The following PDE7B variants were observed in gnomAD, a reference collection of about 807,000 sequenced individuals.
PDE7B encodes the protein 3',5'-cyclic-AMP phosphodiesterase 7B.
A neutral mutation model predicts 56.2 loss-of-function variants in PDE7B; 29 were observed. The ratio of observed to expected loss-of-function variants is 0.52; its 90% CI spans 0.38 to 0.70. PDE7B has a LOEUF of 0.70. Ranked by LOEUF, PDE7B falls within the 30% of genes least tolerant of loss-of-function variation. PDE7B has a pLI of 0.00. For synonymous variants in PDE7B, 197 were observed against 196.9 expected (o/e 1.00, Z 0.00); for missense variants, 490 against 565.0 (o/e 0.87, Z 1.35).
At chr6:136,181,857 G>C (rs536188911) in intron 11 of PDE7B, among the ~76,000 whole-genome samples, 24 of 152,274 alleles carry the variant, frequency 1.6e-4, no homozygotes, top group Non-Finnish European at 2.5e-4. Context: ...GGATTTTGCT[G>C]TGAAAAGACA....
chr6:136,136,021 G>C (rs565682919), intron 3 of PDE7B, among the ~76,000 whole-genome samples: 43 of 152,038 alleles, frequency 2.8e-4, no homozygotes, highest in African/African-American at 9.2e-4. Context: ...TGCATCTTAG[G>C]CTAGGTTACT....
At chr6:136,069,277 G>A (rs895666662) in intron 2 of PDE7B, among the ~76,000 whole-genome samples, 11 of 152,118 alleles carry the variant, frequency 7.2e-5, no homozygotes, top group African/African-American at 1.9e-4. Flanking sequence ...GTAAGCAAGC[G>A]GGGACAAATC....
intron 1 of PDE7B, among the ~76,000 whole-genome samples, chr6:135,877,179 T>C (rs534877800): frequency 1.3e-5 from 2 of 152,274 alleles, no homozygotes; most frequent in East Asian, 3.9e-4. Flanking sequence ...TGTGGATTCC[T>C]TGACATTGTT....
chr6:135,906,253 C>G (rs141408417), intron 1 of PDE7B, among the ~76,000 whole-genome samples: 1 of 152,032 alleles, frequency 6.6e-6, no homozygotes, highest in East Asian at 1.9e-4. Context: ...AAATGGTTAA[C>G]GAGAAAGCCA....
intron 2 of PDE7B, among the ~76,000 whole-genome samples, chr6:136,070,638 A>G (rs114702076): frequency 0.013 from 2,039 of 152,284 alleles, 38 homozygotes; most frequent in African/African-American, 0.045. Flanking sequence ...TTAATTTAAA[A>G]AACATTGAAA....
intron 10 of PDE7B, 125 bp downstream of exon 10, chr6:136,179,266 A>C (rs1051650877): frequency 8.8e-6 from 7 of 793,602 alleles, no homozygotes; most frequent in Non-Finnish European, 1.5e-5. Context: ...ACTTGAGTCC[A>C]TGAGTTCAAG....
chr6:136,187,248 G>A (rs900321754), intron 12 of PDE7B, 132 bp downstream of exon 12: 1 of 607,746 alleles, frequency 1.6e-6, no homozygotes. Flanking sequence ...TTGAATGGCT[G>A]AGTCCAAATT....
intron 11 of PDE7B, among the ~76,000 whole-genome samples, chr6:136,183,595 C>CA (rs59123124): frequency 0.017 from 1,114 of 65,462 alleles, 17 homozygotes; most frequent in East Asian, 0.038. Flanking sequence ...GACTCTGTCT[C>CA]AAAAAAAAAA....
intron 2 of PDE7B, among the ~76,000 whole-genome samples, chr6:136,040,899 C>T (rs1474486976): frequency 1.3e-5 from 2 of 152,172 alleles, no homozygotes; most frequent in African/African-American, 2.4e-5. Flanking sequence ...TTCCTGATCT[C>T]CAGCGGCCTC....
chr6:135,990,889 C>T (rs1398661934), intron 2 of PDE7B, among the ~76,000 whole-genome samples: 1 of 152,226 alleles, frequency 6.6e-6, no homozygotes, highest in Admixed American at 6.5e-5. Flanking sequence ...ATGGGCAGAG[C>T]AGCCCTGAAG....
intron 3 of PDE7B, among the ~76,000 whole-genome samples, chr6:136,132,784 C>T (rs141119372): frequency 0.018 from 2,728 of 152,224 alleles, 39 homozygotes; most frequent in Non-Finnish European, 0.022. Flanking sequence ...TAAAACAATT[C>T]TTTCTTCTCT....
chr6:135,940,302 C>G (rs1223282714), intron 1 of PDE7B, among the ~76,000 whole-genome samples: 4 of 152,246 alleles, frequency 2.6e-5, no homozygotes, highest in Non-Finnish European at 4.4e-5. Context: ...CCAGTAACCC[C>G]AGTCAGGGGT....
chr6:135,969,480 C>G (rs565133968), intron 2 of PDE7B, among the ~76,000 whole-genome samples: 2 of 152,046 alleles, frequency 1.3e-5, no homozygotes, highest in Non-Finnish European at 2.9e-5. Flanking sequence ...CATTAGAGAG[C>G]AAAAGGTCTC....
chr6:136,028,380 T>C (rs563815097), intron 2 of PDE7B, among the ~76,000 whole-genome samples: 1 of 152,300 alleles, frequency 6.6e-6, no homozygotes, highest in East Asian at 1.9e-4. Context: ...ATTAGAGAAG[T>C]GGAAAAATCT....
chr6:136,061,872 A>G (rs1776850240), intron 2 of PDE7B, among the ~76,000 whole-genome samples: 1 of 152,212 alleles, frequency 6.6e-6, no homozygotes, highest in African/African-American at 2.4e-5. Flanking sequence ...TTGGCAAACT[A>G]ACCTCTCAGA....
chr6:135,879,140 G>A (rs762252530), intron 1 of PDE7B, among the ~76,000 whole-genome samples: 1 of 151,986 alleles, frequency 6.6e-6, no homozygotes, highest in Non-Finnish European at 1.5e-5. Flanking sequence ...AAGATTTTAT[G>A]CAGTTATTGG....
intron 2 of PDE7B, among the ~76,000 whole-genome samples, chr6:136,059,308 T>C (rs768884512): frequency 1.3e-5 from 2 of 152,190 alleles, no homozygotes; most frequent in Admixed American, 6.5e-5. Context: ...GATGGAAGAA[T>C]GAATGCAGAC....
At chr6:136,034,135 A>C (rs533208780) in intron 2 of PDE7B, 1 of 152,344 alleles carries the variant, frequency 6.6e-6, no homozygotes, top group African/African-American at 2.4e-5. Context: ...TATGTTTCTA[A>C]GTTTCCATTT....
intron 10 of PDE7B, among the ~76,000 whole-genome samples, chr6:136,179,478 A>G (rs1193548906): frequency 6.6e-6 from 1 of 152,224 alleles, no homozygotes; most frequent in African/African-American, 2.4e-5. Flanking sequence ...GAAATGCATG[A>G]AAGTTATAAG....
Sources: allele counts gnomAD v4.1 joint callset (sites outside exome capture counted in the v4.1 genomes callset), GRCh38; gene constraint gnomAD v4.1.1; transcripts MANE v1.5; gene names NCBI Gene and HGNC (gene_info 2026-07-23, HGNC 2026-07-21).